Variants in DKK2 observed in about 807,000 individuals in gnomAD.
DKK2 encodes dickkopf-related protein 2.
Under a neutral mutation model 28.1 loss-of-function variants are expected in DKK2, and 11 were observed. The observed-to-expected ratio is 0.39, with a 90% confidence interval of 0.25 to 0.65. The LOEUF (loss-of-function observed/expected upper bound fraction) is 0.65. Among genes scored for constraint, DKK2 ranks in the 30% least tolerant of loss-of-function variants. DKK2 has a pLI of 0.47. For synonymous variants in DKK2, 135 were observed against 126.5 expected, an observed-to-expected ratio of 1.07 and a Z score of -0.45; for missense variants, 326 against 335.5, an observed-to-expected ratio of 0.97 and a Z score of 0.22.
At chr4:106,926,287 C>G (rs1253330270) in intron 1 of DKK2, among the ~76,000 whole-genome samples, 1 of 152,030 alleles carries the variant, frequency 6.6e-6, no homozygotes, top group African/African-American at 2.4e-5. Flanking sequence ...TGCATTGATG[C>G]TATTGTAAGG....
intron 1 of DKK2, among the ~76,000 whole-genome samples, chr4:107,023,323 C>T (rs1452777255): frequency 6.6e-6 from 1 of 151,872 alleles, no homozygotes; most frequent in Non-Finnish European, 1.5e-5. Context: ...AAAAATAAAA[C>T]AATCACTGTG....
At chr4:106,937,756 T>C (rs1724619880) in intron 1 of DKK2, among the ~76,000 whole-genome samples, 1 of 146,406 alleles carries the variant, frequency 6.8e-6, no homozygotes, top group Admixed American at 6.8e-5. Context: ...ACAGAAATTA[T>C]AACAAACTAT....
chr4:106,944,126 G>T (rs1044112553), intron 1 of DKK2, among the ~76,000 whole-genome samples: 1 of 152,014 alleles, frequency 6.6e-6, no homozygotes, highest in Non-Finnish European at 1.5e-5. Context: ...TCAACATCTT[G>T]TTGGTACTAA....
chr4:106,938,001 C>G (rs1391857664), intron 1 of DKK2, among the ~76,000 whole-genome samples: 1 of 137,776 alleles, frequency 7.3e-6, no homozygotes, highest in East Asian at 2.1e-4. Context: ...CACTAAATGC[C>G]CACAAGAGAA....
Position 107,018,184 on chromosome 4 carries a change from A to T in DKK2, c.222+17186T>A, listed in dbSNP as rs1045468001. On this transcript the variant is annotated intron_variant, in intron 1 of 3. Coordinates refer to ENST00000285311, the MANE Select transcript of DKK2 (RefSeq NM_014421.3). ...GAGCTGTTTTTGTTAAGTCAGTATAACTGTTGTCACTAGCAAATAGCATAG... is the reference window on the plus strand; with the variant it reads ...GAGCTGTTTTTGTTAAGTCAGTATATCTGTTGTCACTAGCAAATAGCATAG... Among the ~76,000 whole-genome samples the T allele has an allele frequency of 5.9e-5, 9 of 152,172 alleles. 1 individual carries two copies. The highest frequency in any genetic ancestry group is 5.9e-4 in the Admixed American group (9 of 15,270).
intron 1 of DKK2, among the ~76,000 whole-genome samples, chr4:106,942,771 A>T (rs575472155): frequency 3.1e-4 from 47 of 151,712 alleles, no homozygotes; most frequent in South Asian, 1.5e-3. Flanking sequence ...CTTGTTTCAA[A>T]TTTTTTTTTC....
intron 1 of DKK2, among the ~76,000 whole-genome samples, chr4:107,030,081 G>A (rs991290385): frequency 1.3e-5 from 2 of 151,910 alleles, no homozygotes; most frequent in Non-Finnish European, 2.9e-5. Context: ...TGTTGTTAGT[G>A]ATACATAAAC....
At chr4:106,983,935 A>G (rs1191404308) in intron 1 of DKK2, among the ~76,000 whole-genome samples, 1 of 152,218 alleles carries the variant, frequency 6.6e-6, no homozygotes, top group Non-Finnish European at 1.5e-5. Flanking sequence ...TCAGAATGCT[A>G]TATTAAAAAA....
chr4:106,928,171 TA>T (rs751940950), intron 1 of DKK2, among the ~76,000 whole-genome samples: 2 of 152,014 alleles, frequency 1.3e-5, no homozygotes, highest in African/African-American at 4.8e-5. Flanking sequence ...CAGATGACAT[TA>T]AAAAAATGGG....
At chr4:106,954,511 A>G (rs990224408) in intron 1 of DKK2, among the ~76,000 whole-genome samples, 6 of 152,036 alleles carry the variant, frequency 3.9e-5, no homozygotes, top group African/African-American at 1.4e-4. Context: ...GATTTTAGAA[A>G]TGTTCTTTTC....
At chr4:106,973,218 G>C (rs1722895189) in intron 1 of DKK2, among the ~76,000 whole-genome samples, 1 of 152,158 alleles carries the variant, frequency 6.6e-6, no homozygotes, top group African/African-American at 2.4e-5. Context: ...TGTCTTTATA[G>C]TTGAATGATT....
chr4:107,007,922 G>C (rs990380285), intron 1 of DKK2, among the ~76,000 whole-genome samples: 3 of 152,102 alleles, frequency 2.0e-5, no homozygotes, highest in Non-Finnish European at 2.9e-5. Flanking sequence ...TACAGGCTTG[G>C]TGATTTCTTT....
intron 1 of DKK2, among the ~76,000 whole-genome samples, chr4:106,981,351 T>G (rs893726794): frequency 4.6e-5 from 7 of 152,222 alleles, no homozygotes; most frequent in African/African-American, 1.7e-4. Context: ...TTCTCCATTC[T>G]TCAGTCTAAC....
At chr4:106,949,900 C>T (rs1724834141) in intron 1 of DKK2, among the ~76,000 whole-genome samples, 1 of 152,036 alleles carries the variant, frequency 6.6e-6, no homozygotes, top group Admixed American at 6.6e-5. Flanking sequence ...ATAGCATCAA[C>T]ACTGTTAACA....
intron 1 of DKK2, among the ~76,000 whole-genome samples, chr4:107,012,548 T>C (rs886800234): frequency 1.3e-5 from 2 of 151,222 alleles, no homozygotes; most frequent in Non-Finnish European, 3.0e-5. Context: ...CAAAATAGGA[T>C]ATTTTCAAAG....
intron 1 of DKK2, among the ~76,000 whole-genome samples, chr4:106,996,719 G>A (rs1247882708): frequency 6.6e-6 from 1 of 152,172 alleles, no homozygotes; most frequent in Non-Finnish European, 1.5e-5. Context: ...AGTTGTGACA[G>A]GAATACAACC....
At chr4:106,982,035 T>G (rs1207786903) in intron 1 of DKK2, among the ~76,000 whole-genome samples, 2 of 151,868 alleles carry the variant, frequency 1.3e-5, no homozygotes, top group Admixed American at 1.3e-4. Flanking sequence ...AACAGCACTC[T>G]AATAACATAT....
chr4:106,961,437 T>C (rs17037144), intron 1 of DKK2, among the ~76,000 whole-genome samples: 9,352 of 152,170 alleles, frequency 0.061, 314 homozygotes, highest in Non-Finnish European at 0.074. Flanking sequence ...CTTGTTACAA[T>C]TTTTAAAACC....
At chr4:106,962,294 T>C (rs1389774211) in intron 1 of DKK2, among the ~76,000 whole-genome samples, 1 of 151,942 alleles carries the variant, frequency 6.6e-6, no homozygotes, top group Admixed American at 6.6e-5. Context: ...CTTCCAGAAA[T>C]AGAAAAAATA....
Sources: gnomAD v4.1 joint callset for allele counts (sites outside exome capture counted in the v4.1 genomes callset) on GRCh38, gnomAD v4.1.1 for gene constraint, MANE v1.5 for transcripts, NCBI Gene and HGNC (gene_info 2026-07-23, HGNC 2026-07-21) for gene names.